Variants in ACYP2 observed in about 807,000 individuals in gnomAD.
ACYP2 encodes acylphosphatase-2.
Under a neutral mutation model 11.2 loss-of-function variants are expected in ACYP2, and 12 were observed. The observed-to-expected ratio is 1.08, with a 90% CI of 0.69 to 1.74. The LOEUF is 1.74. ACYP2 is among the 40% of genes most tolerant of loss of function. ACYP2 has a pLI of 0.00. For synonymous variants in ACYP2, 43 were observed against 32.2 expected, an observed-to-expected ratio of 1.33 and a Z score of -1.13; for missense variants, 134 against 101.9, an observed-to-expected ratio of 1.31 and a Z score of -1.35.
chr2:54,243,295 A>T (rs1686809586), intron 6 of ACYP2, among the ~76,000 whole-genome samples: 1 of 152,174 alleles, frequency 6.6e-6, no homozygotes, highest in South Asian at 2.1e-4. Flanking sequence ...CTACACACCT[A>T]GGATGTGTGG....
At chr2:54,133,430 T>C (rs1021894955) in intron 4 of ACYP2, among the ~76,000 whole-genome samples, 25 of 152,228 alleles carry the variant, frequency 1.6e-4, no homozygotes, top group African/African-American at 5.3e-4. Flanking sequence ...ACTTTTTTTT[T>C]CTGTCATTTG....
At chr2:54,062,011 T>A (rs974696128) in intron 4 of ACYP2, among the ~76,000 whole-genome samples, 1 of 152,338 alleles carries the variant, frequency 6.6e-6, no homozygotes, top group Admixed American at 6.5e-5. Context: ...GATCATTATA[T>A]TGGCTTTAAA....
chr2:54,028,524 G>T (rs896603066), intron 2 of ACYP2, among the ~76,000 whole-genome samples: 1 of 152,168 alleles, frequency 6.6e-6, no homozygotes, highest in Non-Finnish European at 1.5e-5. Context: ...CACCAAAGAA[G>T]AAAATAGTTA....
intron 4 of ACYP2, among the ~76,000 whole-genome samples, chr2:54,071,249 C>T (rs894710802): frequency 3.9e-5 from 6 of 152,082 alleles, no homozygotes; most frequent in African/African-American, 1.4e-4. Context: ...TTTGCTCTCA[C>T]GGCTTCTATT....
chr2:54,235,525 T>C (rs971042536), intron 6 of ACYP2, among the ~76,000 whole-genome samples: 5 of 152,096 alleles, frequency 3.3e-5, no homozygotes, highest in Non-Finnish European at 7.4e-5. Flanking sequence ...AATTTTTTTG[T>C]ATTTTTAGTA....
At chr2:54,118,739 C>T (rs1054870696) in intron 4 of ACYP2, among the ~76,000 whole-genome samples, 1 of 152,142 alleles carries the variant, frequency 6.6e-6, no homozygotes, top group Non-Finnish European at 1.5e-5. Flanking sequence ...AAAAAGTCAA[C>T]TTTAGGGCAA....
At chr2:54,161,317 G>C (rs1222875276) in intron 6 of ACYP2, among the ~76,000 whole-genome samples, 3 of 152,188 alleles carry the variant, frequency 2.0e-5, no homozygotes, top group Admixed American at 6.5e-5. Context: ...GATCTTGGGG[G>C]CTGGGACCCG....
At chr2:54,236,762 G>A (rs533437637) in intron 6 of ACYP2, among the ~76,000 whole-genome samples, 22 of 152,102 alleles carry the variant, frequency 1.4e-4, no homozygotes, top group African/African-American at 4.8e-4. Flanking sequence ...ACCTGAGAGA[G>A]GTATGTTCAG....
intron 6 of ACYP2, among the ~76,000 whole-genome samples, chr2:54,147,001 G>A (rs1681924189): frequency 6.6e-6 from 1 of 151,856 alleles, no homozygotes; most frequent in Non-Finnish European, 1.5e-5. Flanking sequence ...TCACCATGTT[G>A]GCCAGGCTGG....
At chr2:54,280,694 G>T (rs143502600) in intron 6 of ACYP2, among the ~76,000 whole-genome samples, 33 of 152,340 alleles carry the variant, frequency 2.2e-4, no homozygotes, top group Non-Finnish European at 3.7e-4. Flanking sequence ...TAGCAACTTG[G>T]TGGTCTGTGA....
intron 6 of ACYP2, chr2:54,255,306 C>G: frequency 6.2e-7 from 1 of 1,614,198 alleles, no homozygotes; most frequent in African/African-American, 1.3e-5. Flanking sequence ...TGAGCTCCTT[C>G]ACTTCCAAAT....
At chr2:54,201,238 A>G (rs972978760) in intron 6 of ACYP2, among the ~76,000 whole-genome samples, 1 of 151,704 alleles carries the variant, frequency 6.6e-6, no homozygotes, top group Admixed American at 6.6e-5. Context: ...CCCGAGTAGC[A>G]GGGACCATAG....
chr2:54,165,635 T>C (rs1682935450), intron 6 of ACYP2, among the ~76,000 whole-genome samples: 1 of 151,750 alleles, frequency 6.6e-6, no homozygotes, highest in Non-Finnish European at 1.5e-5. Flanking sequence ...AAGGCAATAC[T>C]ATATGATGCC....
chr2:53,988,469 C>G lies in ACYP2; in HGVS notation c.62+14659C>G, dbSNP rs568902953. 2.8e-4 allele frequency among the ~76,000 whole-genome samples: 42 copies of G among 149,368 alleles called. 1 individual carries two copies. Among genetic ancestry groups the G allele is most frequent in the African/African-American group, 8.6e-4 (35 of 40,570 alleles). On this transcript the variant is annotated intron_variant, in intron 2 of 6. Transcript: ENST00000607452. ...AGGCTGGAGTGCAGTGGCACGATCT[C>G]AGCTTATTGCAACCTCCACCTCCCA...
chr2:54,265,470 G>A (rs899007939), intron 6 of ACYP2, among the ~76,000 whole-genome samples: 1 of 152,162 alleles, frequency 6.6e-6, no homozygotes, highest in Non-Finnish European at 1.5e-5. Context: ...GATGAGATAT[G>A]GGTGGGGACA....
At chr2:54,204,713 A>T (rs578099767) in intron 6 of ACYP2, among the ~76,000 whole-genome samples, 1 of 152,238 alleles carries the variant, frequency 6.6e-6, no homozygotes, top group Admixed American at 6.5e-5. Flanking sequence ...AAAAAACTCA[A>T]TTCTTTCTTC....
chr2:54,117,728 T>A (rs1042341667), intron 4 of ACYP2, among the ~76,000 whole-genome samples: 4 of 152,234 alleles, frequency 2.6e-5, no homozygotes, highest in African/African-American at 9.6e-5. Context: ...TAAGAATGGG[T>A]AAAAGTGTGC....
intron 6 of ACYP2, among the ~76,000 whole-genome samples, chr2:54,246,630 A>G (rs958533319): frequency 1.3e-5 from 2 of 152,234 alleles, no homozygotes; most frequent in African/African-American, 4.8e-5. Flanking sequence ...AGGGTTTTCT[A>G]TATTCATCAG....
At chr2:54,202,137 G>A (rs1272953722) in intron 6 of ACYP2, among the ~76,000 whole-genome samples, 2 of 151,744 alleles carry the variant, frequency 1.3e-5, no homozygotes, top group Non-Finnish European at 2.9e-5. Flanking sequence ...CTATCCAGTT[G>A]TTCCAGTCAC....
Sources: allele counts gnomAD v4.1 joint callset (sites outside exome capture counted in the v4.1 genomes callset), GRCh38; gene constraint gnomAD v4.1.1; transcripts MANE v1.5; gene names NCBI Gene and HGNC (gene_info 2026-07-23, HGNC 2026-07-21).